Variants in EPC1 observed in about 807,000 individuals in gnomAD.
The protein encoded by EPC1 is enhancer of polycomb 1.
A neutral mutation model predicts 98.4 loss-of-function variants in EPC1; 12 were observed. The ratio of observed to expected loss-of-function variants is 0.12; its 90% confidence interval spans 0.08 to 0.20. The LOEUF is 0.20. Ranked by LOEUF, EPC1 falls within the 10% of genes least tolerant of loss-of-function variation. The probability of loss-of-function intolerance (pLI) is 1.00; values close to 1 mark genes in which losing one functional copy is unlikely to be tolerated. For synonymous variants in EPC1, 357 were observed against 363.9 expected (o/e 0.98, Z 0.21); for missense variants, 729 against 990.5 (o/e 0.74, Z 3.54).
rs796414017 is a variant in EPC1, at chr10:32,346,694, T to TCCG, written c.153+66_153+68dup. ...CGGCCATTTTGTGTGGGTTTGCTGC[T>TCCG]CCGCCGCCGCCGCAGGCAGCAGAGG... On this transcript the variant is annotated intron_variant, in intron 1 of 13. Transcript: ENST00000319778. 9.8e-5 allele frequency: 147 copies of TCCG among 1,498,558 alleles called. No homozygotes were observed. The East Asian group carries it at 2.8e-3, about 28-fold the overall frequency. The allele number at this position is 1,498,558 out of a possible 1,614,324, so 92.8% of individuals were successfully genotyped here.
chr10:32,349,430 GATA>G (rs1298925824), upstream of EPC1, among the ~76,000 whole-genome samples: 1 of 152,168 alleles, frequency 6.6e-6, no homozygotes, highest in Admixed American at 6.5e-5. Flanking sequence ...CCTTTTGGCA[GATA>G]ATATTATATG....
intron 7 of EPC1, 29 bp from the exon 8 acceptor site, chr10:32,287,044 G>C (rs376581766): frequency 6.8e-6 from 11 of 1,613,470 alleles, no homozygotes; most frequent in Non-Finnish European, 9.3e-6. Flanking sequence ...AAGTAGGTCA[G>C]ATACGTGACT....
chr10:32,292,444 C>G, intron 5 of EPC1, 52 bp downstream of exon 5: 1 of 1,319,712 alleles, frequency 7.6e-7, no homozygotes, highest in Non-Finnish European at 1.0e-6. Context: ...ACTCAATATA[C>G]AAAATGTTAA....
At chr10:32,356,958 G>A (rs747888488) in intron 1 of EPC1, among the ~76,000 whole-genome samples, 2 of 152,138 alleles carry the variant, frequency 1.3e-5, no homozygotes, top group African/African-American at 2.4e-5. Context: ...TCCAGCCTGG[G>A]CGAGGGAGCG....
chr10:32,342,190 A>T (rs1356659586), intron 1 of EPC1, among the ~76,000 whole-genome samples: 1 of 152,242 alleles, frequency 6.6e-6, no homozygotes, highest in Admixed American at 6.5e-5. Context: ...ACTATAATTG[A>T]GATTTCATGT....
intron 9 of EPC1, 112 bp from the exon 10 acceptor site, chr10:32,285,162 T>C (rs1201594322): frequency 1.9e-5 from 14 of 730,340 alleles, no homozygotes; most frequent in Non-Finnish European, 2.2e-6. Context: ...ATACTGAATA[T>C]TTAAAAGCTT....
At chr10:32,351,971 G>A (rs2133083727), upstream of EPC1, among the ~76,000 whole-genome samples, 1 of 150,668 alleles carries the variant, frequency 6.6e-6, no homozygotes, top group South Asian at 2.1e-4. Context: ...CCTGATCTCA[G>A]GTGATCCACC....
chr10:32,350,276 T>C (rs1467441708), upstream of EPC1, among the ~76,000 whole-genome samples: 1 of 152,284 alleles, frequency 6.6e-6, no homozygotes, highest in Non-Finnish European at 1.5e-5. Context: ...TTGTAGGGGA[T>C]ACAAATAAAA....
chr10:32,341,455 C>G (rs1189301484), intron 1 of EPC1, among the ~76,000 whole-genome samples: 9 of 152,224 alleles, frequency 5.9e-5, no homozygotes, highest in Admixed American at 5.9e-4. Context: ...ATATTTAATC[C>G]TGCCCACACA....
intron 4 of EPC1, among the ~76,000 whole-genome samples, 157 bp downstream of exon 4, chr10:32,292,828 CATT>C (rs1453631396): frequency 6.6e-6 from 1 of 152,018 alleles, no homozygotes; most frequent in Non-Finnish European, 1.5e-5. Flanking sequence ...TAAAATATAA[CATT>C]AATAGCTGCA....
At chr10:32,278,321 C>T (rs960310313) in intron 10 of EPC1, among the ~76,000 whole-genome samples, 15 of 149,722 alleles carry the variant, frequency 1.0e-4, no homozygotes, top group Non-Finnish European at 2.1e-4. Context: ...GGATTATAGG[C>T]GTGAACCACA....
chr10:32,338,746 TCTC>T (rs1326541490), intron 1 of EPC1, among the ~76,000 whole-genome samples: 1 of 151,950 alleles, frequency 6.6e-6, no homozygotes, highest in East Asian at 1.9e-4. Flanking sequence ...AAATTATCCT[TCTC>T]CTTCTAACTA....
At chr10:32,312,665 A>G (rs1164392166) in intron 1 of EPC1, among the ~76,000 whole-genome samples, 1 of 152,188 alleles carries the variant, frequency 6.6e-6, no homozygotes, top group Non-Finnish European at 1.5e-5. Flanking sequence ...CCACCCTAAA[A>G]TAGTGTTTGG....
chr10:32,362,579 C>T (rs551542252), intron 1 of EPC1, among the ~76,000 whole-genome samples: 2 of 152,290 alleles, frequency 1.3e-5, no homozygotes, highest in African/African-American at 4.8e-5. Context: ...AGCATCGTGC[C>T]TCCCATAAAG....
At chr10:32,324,797 T>C (rs1002104157) in intron 1 of EPC1, among the ~76,000 whole-genome samples, 17 of 151,542 alleles carry the variant, frequency 1.1e-4, no homozygotes, top group Non-Finnish European at 3.0e-5. Context: ...ATTGAGACCA[T>C]CCTGGCTAAC....
intron 1 of EPC1, chr10:32,378,482 C>G: frequency 1.3e-6 from 2 of 1,546,032 alleles, no homozygotes; most frequent in South Asian, 2.4e-5. Flanking sequence ...GTGAAAATTA[C>G]AAACTTACCA....
At chr10:32,335,465 T>A (rs1005455497) in intron 1 of EPC1, among the ~76,000 whole-genome samples, 1 of 129,576 alleles carries the variant, frequency 7.7e-6, no homozygotes, top group Non-Finnish European at 1.7e-5. Flanking sequence ...GAAACAATAC[T>A]CCCCATCGCC....
chr10:32,319,639 T>C (rs1836764024), intron 1 of EPC1, among the ~76,000 whole-genome samples: 1 of 152,160 alleles, frequency 6.6e-6, no homozygotes, highest in Non-Finnish European at 1.5e-5. Context: ...TCTTCAAAAA[T>C]GTCTACGTCA....
At chr10:32,269,526 C>A (rs12772050) in intron 13 of EPC1, 19,157 of 171,986 alleles carry the variant, frequency 0.11, 1,161 homozygotes, top group Admixed American at 0.13. Flanking sequence ...ATACATGGAG[C>A]TGAGTGGCAC....
Sources: gnomAD v4.1 joint callset for allele counts (sites outside exome capture counted in the v4.1 genomes callset) on GRCh38, gnomAD v4.1.1 for gene constraint, MANE v1.5 for transcripts, NCBI Gene and HGNC (gene_info 2026-07-23, HGNC 2026-07-21) for gene names.